The following DEPTOR variants were observed in gnomAD, a reference collection of about 807,000 sequenced individuals.
The protein encoded by DEPTOR is DEP domain-containing mTOR-interacting protein.
DEPTOR carries 41 observed loss-of-function variants against 41.6 expected under a neutral mutation model. The observed-to-expected ratio is 0.98, with a 90% CI of 0.77 to 1.28. DEPTOR has a LOEUF of 1.28. Ranked by LOEUF, DEPTOR falls within the 50% of genes most tolerant of loss-of-function variation. The pLI is 0.00. For missense variants in DEPTOR, 514 were observed against 527.9 expected (o/e 0.97, Z 0.26); for synonymous variants, 195 against 192.3 (o/e 1.01, Z -0.12).
At chr8:120,047,193 T>G (rs1170109878) in intron 8 of DEPTOR, among the ~76,000 whole-genome samples, 1 of 151,994 alleles carries the variant, frequency 6.6e-6, no homozygotes, top group African/African-American at 2.4e-5. Context: ...GGCTAATTTT[T>G]GTATTTTTAG....
At chr8:119,951,375 A>G (rs1828351680) in intron 3 of DEPTOR, among the ~76,000 whole-genome samples, 1 of 152,074 alleles carries the variant, frequency 6.6e-6, no homozygotes, top group African/African-American at 2.4e-5. Flanking sequence ...TCTCCTTCTT[A>G]TATAATTTTG....
chr8:119,931,364 C>A, intron 3 of DEPTOR, among the ~76,000 whole-genome samples: 1 of 152,142 alleles, frequency 6.6e-6, no homozygotes, highest in East Asian at 1.9e-4. Flanking sequence ...TGTCACCTTA[C>A]CTTTGTAAAG....
intron 4 of DEPTOR, among the ~76,000 whole-genome samples, chr8:119,994,091 C>T (rs1177080462): frequency 6.6e-6 from 1 of 150,822 alleles, no homozygotes; most frequent in Non-Finnish European, 1.5e-5. Context: ...AATCTGAGAT[C>T]GCACCATTGC....
chr8:119,997,161 T>C (rs1812278903), intron 4 of DEPTOR, among the ~76,000 whole-genome samples: 1 of 152,178 alleles, frequency 6.6e-6, no homozygotes, highest in South Asian at 2.1e-4. Flanking sequence ...CCCAAGCTGG[T>C]CTTGAATGCC....
chr8:119,915,049 C>G (rs1041454515), intron 1 of DEPTOR, among the ~76,000 whole-genome samples: 1 of 152,130 alleles, frequency 6.6e-6, no homozygotes, highest in Non-Finnish European at 1.5e-5. Flanking sequence ...TCACTGCAGC[C>G]TCTGCCTCCT....
At position 120,025,985 on chromosome 8, in the gene DEPTOR, G is replaced by GC. The variant is rs1397858498; in HGVS notation, c.1101+16852_1101+16853insC. 2.0e-4 allele frequency among the ~76,000 whole-genome samples: 18 copies of GC among 89,936 alleles called. No homozygotes were observed. In the Middle Eastern group the frequency reaches 0.018, roughly 89 times the overall value. 59.0% of individuals were successfully genotyped at this position (89,936 alleles called of 152,430 possible). ...GGTAGCTTTCTCTCTTAGGACTTTT[G>GC]ATTTTTTTTTTTTTTTCTGAGACCG... On this transcript the variant is annotated intron_variant, in intron 8 of 8. Coordinates refer to ENST00000286234, the MANE Select transcript of DEPTOR (RefSeq NM_022783.4).
intron 3 of DEPTOR, among the ~76,000 whole-genome samples, chr8:119,945,697 G>A (rs1210009075): frequency 2.0e-5 from 3 of 152,212 alleles, no homozygotes; most frequent in African/African-American, 7.2e-5. Context: ...GCCACAGAGG[G>A]TCAGTTGATT....
At chr8:120,012,668 C>T (rs1393776928) in intron 8 of DEPTOR, among the ~76,000 whole-genome samples, 1 of 152,062 alleles carries the variant, frequency 6.6e-6, no homozygotes, top group Non-Finnish European at 1.5e-5. Context: ...TCCCAAGTAG[C>T]TGGGACTACA....
chr8:119,985,857 TTTTTTTG>T (rs1828823352), intron 4 of DEPTOR, among the ~76,000 whole-genome samples: 1 of 52,220 alleles, frequency 1.9e-5, no homozygotes, highest in Non-Finnish European at 4.4e-5. Flanking sequence ...TTTTTTTTTT[TTTTTTTG>T]CTTTCCATTT....
chr8:119,939,791 TAAAC>T (rs1008071024), intron 3 of DEPTOR, among the ~76,000 whole-genome samples: 4 of 152,178 alleles, frequency 2.6e-5, no homozygotes, highest in East Asian at 1.9e-4. Flanking sequence ...GCTATTATTT[TAAAC>T]AAACAAACAA....
intron 1 of DEPTOR, among the ~76,000 whole-genome samples, chr8:119,922,054 A>G (rs1481895312): frequency 6.6e-6 from 1 of 151,990 alleles, no homozygotes; most frequent in African/African-American, 2.4e-5. Context: ...CCTAGCCAAC[A>G]TGATGAAACC....
intron 3 of DEPTOR, among the ~76,000 whole-genome samples, chr8:119,954,882 A>G (rs542545955): frequency 6.7e-6 from 1 of 149,594 alleles, no homozygotes; most frequent in African/African-American, 2.5e-5. Context: ...GTGTTTTGAG[A>G]CAGTCTTGCT....
At chr8:120,003,225 C>T in intron 6 of DEPTOR, 114 bp downstream of exon 6, 1 of 1,514,236 alleles carries the variant, frequency 6.6e-7, no homozygotes, top group Non-Finnish European at 8.9e-7. Context: ...TAAGTTAGAG[C>T]ATGCTCTTGG....
chr8:119,994,042 G>C (rs1586649263), intron 4 of DEPTOR, among the ~76,000 whole-genome samples: 1 of 151,828 alleles, frequency 6.6e-6, no homozygotes, highest in East Asian at 1.9e-4. Context: ...TGTAATCCCA[G>C]CTACTCGGGA....
chr8:119,962,928 C>T (rs1451556767), intron 3 of DEPTOR, among the ~76,000 whole-genome samples: 1 of 152,074 alleles, frequency 6.6e-6, no homozygotes, highest in Non-Finnish European at 1.5e-5. Flanking sequence ...GACAATGCCT[C>T]ATTTTCTGGC....
At chr8:119,882,093 G>A (rs7006490) in intron 1 of DEPTOR, among the ~76,000 whole-genome samples, 7,811 of 152,076 alleles carry the variant, frequency 0.051, 306 homozygotes, top group South Asian at 0.17. Context: ...GTTTCTCCAC[G>A]TTGGCCAGGC....
At chr8:120,033,991 C>T (rs1191024325) in intron 8 of DEPTOR, among the ~76,000 whole-genome samples, 1 of 152,050 alleles carries the variant, frequency 6.6e-6, no homozygotes, top group Non-Finnish European at 1.5e-5. Context: ...TGTTTGAACT[C>T]AGGAGGTGGA....
intron 4 of DEPTOR, among the ~76,000 whole-genome samples, chr8:120,000,385 G>C (rs943015205): frequency 3.3e-5 from 5 of 152,048 alleles, no homozygotes; most frequent in Non-Finnish European, 5.9e-5. Flanking sequence ...CATTCCATAT[G>C]AATGGAATCA....
intron 8 of DEPTOR, among the ~76,000 whole-genome samples, chr8:120,028,376 A>G (rs1478310857): frequency 1.3e-5 from 2 of 150,458 alleles, no homozygotes; most frequent in African/African-American, 4.9e-5. Context: ...ATTTACACAC[A>G]CATTTGGGAA....
Sources: allele counts gnomAD v4.1 joint callset (sites outside exome capture counted in the v4.1 genomes callset), GRCh38; gene constraint gnomAD v4.1.1; transcripts MANE v1.5; gene names NCBI Gene and HGNC (gene_info 2026-07-23, HGNC 2026-07-21).